The following TRIM37 variants were observed in gnomAD, a reference collection of about 807,000 sequenced individuals.
TRIM37 encodes the protein tripartite motif containing 37.
Under a neutral mutation model 129.8 loss-of-function variants are expected in TRIM37, and 80 were observed. That is an observed-to-expected ratio of 0.62 (90% CI 0.51 to 0.74). The LOEUF is 0.74. Ranked by LOEUF, TRIM37 falls within the 30% of genes least tolerant of loss-of-function variation. The probability of loss-of-function intolerance (pLI) is 0.00; values close to 1 mark genes in which losing one functional copy is unlikely to be tolerated. For synonymous variants in TRIM37, 389 were observed against 387.1 expected (o/e 1.00, Z -0.06); for missense variants, 1,054 against 1,176.5 (o/e 0.90, Z 1.52).
intron 16 of TRIM37, 68 bp downstream of exon 16, chr17:59,047,614 GT>G: frequency 6.8e-7 from 1 of 1,480,778 alleles, no homozygotes; most frequent in South Asian, 1.2e-5. Flanking sequence ...ACATTTAAGT[GT>G]GAGTTAGTTA....
rs1371563147 is a variant in TRIM37 at position 59,081,964 on chromosome 17, A to AAATAAT, written c.370-751_370-746dup. ...AAAAAAAAAAAAAATAAAAAAAAAA[A>AAATAAT]AATAATAATAATAATAATAATAATG... On this transcript the variant is annotated intron_variant, in intron 5 of 23. Coordinates refer to ENST00000262294, the MANE Select transcript of TRIM37 (RefSeq NM_015294.6). Among the ~76,000 whole-genome samples the AAATAAT allele has an allele frequency of 2.5e-3, 213 of 86,636 alleles. 4 individuals carry two copies. The highest frequency in any genetic ancestry group is 0.018 in the Middle Eastern group (3 of 164). The allele number at this position is 86,636 out of a possible 152,430, so 56.8% of individuals were successfully genotyped here.
rs573786111 is a variant in TRIM37, at chr17:59,086,259, A to G, written c.281+2032T>C. Among the ~76,000 whole-genome samples, 7 of 144,876 alleles carry G rather than the reference A, an allele frequency of 4.8e-5. No homozygotes were observed. The South Asian group carries it at 1.5e-3, about 31-fold the overall frequency. On this transcript the variant is annotated intron_variant, in intron 4 of 23. Coordinates refer to ENST00000262294, the MANE Select transcript of TRIM37 (RefSeq NM_015294.6). The stretch of plus-strand genomic sequence containing the variant: ...TGCAATTTTTTTTTTTTTTTTTGAG[A>G]CGGAGTCTAGCTCTGTCATCCAGGC...
At chr17:59,011,549 A>G (rs2035256973) in intron 22 of TRIM37, among the ~76,000 whole-genome samples, 1 of 152,222 alleles carries the variant, frequency 6.6e-6, no homozygotes, top group South Asian at 2.1e-4. Context: ...TACAAGGCCA[A>G]ATATCATTAA....
In TRIM37 at chr17:59,001,723, A is replaced by C. The variant is rs2033802105; in HGVS notation, c.2696-9T>G. The C allele has an allele frequency of 6.2e-7, 1 of 1,613,780 alleles. No homozygotes were observed. Among genetic ancestry groups the C allele is most frequent in the African/African-American group, 1.3e-5 (1 of 74,926 alleles). On this transcript the variant is annotated splice_polypyrimidine_tract_variant and intron_variant, in intron 22 of 23. Transcript: ENST00000262294. ...ACTGTCGCTACTCATTCCTGGCAGG[A>C]AGGAAGGAGAACATGTTTCTGAAAA...
intron 22 of TRIM37, among the ~76,000 whole-genome samples, chr17:59,003,037 G>A (rs2033982878): frequency 6.6e-6 from 1 of 152,112 alleles, no homozygotes; most frequent in Non-Finnish European, 1.5e-5. Flanking sequence ...ATCACACCTG[G>A]CTAATTTTTG....
chr17:59,084,288 T>G (rs1297250079), intron 4 of TRIM37, among the ~76,000 whole-genome samples, 199 bp from the exon 5 acceptor site: 3 of 152,222 alleles, frequency 2.0e-5, no homozygotes, highest in African/African-American at 7.2e-5. Context: ...CTGTTTTCAT[T>G]GATCTGGACT....
intron 19 of TRIM37, among the ~76,000 whole-genome samples, chr17:59,027,725 C>T (rs1256030950): frequency 1.3e-5 from 2 of 152,184 alleles, no homozygotes; most frequent in East Asian, 3.8e-4. Context: ...TCTCTAGAGG[C>T]TTCCTCCTTA....
At chr17:59,020,230 C>CAAAAAAAA (rs58159558) in intron 19 of TRIM37, among the ~76,000 whole-genome samples, 1 of 32,058 alleles carries the variant, frequency 3.1e-5, no homozygotes, top group Non-Finnish European at 5.1e-5. Context: ...GACTCTGTCT[C>CAAAAAAAA]AAAAAAAAAA....
At chr17:59,024,733 T>C (rs980464535) in intron 19 of TRIM37, among the ~76,000 whole-genome samples, 2 of 152,214 alleles carry the variant, frequency 1.3e-5, no homozygotes, top group East Asian at 1.9e-4. Flanking sequence ...GGTCTTGCCA[T>C]ATGATGTTGA....
At chr17:59,029,251 C>T (rs1244551150) in intron 18 of TRIM37, among the ~76,000 whole-genome samples, 2 of 152,260 alleles carry the variant, frequency 1.3e-5, no homozygotes, top group South Asian at 4.1e-4. Context: ...AGCATAGTGA[C>T]ACCCTATCTG....
At chr17:59,011,735 C>A (rs972898245) in intron 22 of TRIM37, among the ~76,000 whole-genome samples, 1 of 152,152 alleles carries the variant, frequency 6.6e-6, no homozygotes, top group Admixed American at 6.5e-5. Context: ...CAGCTGAGAA[C>A]AAGCTGAAGT....
chr17:59,076,373 T>G (rs753589276), intron 7 of TRIM37, among the ~76,000 whole-genome samples: 1 of 152,170 alleles, frequency 6.6e-6, no homozygotes, highest in Non-Finnish European at 1.5e-5. Context: ...AGACCCAGTC[T>G]CTACAAAAAA....
Position 59,056,861 on chromosome 17 carries a change from A to T in TRIM37, c.1199+14T>A, listed in dbSNP as rs1341134166. ...CCCACAATAAAAACCACAACATCAAATTTTTCCTGTTACCTTAAAATCACT... is the reference window on the plus strand; with the variant it reads ...CCCACAATAAAAACCACAACATCAATTTTTTCCTGTTACCTTAAAATCACT... On this transcript the variant is annotated intron_variant, in intron 13 of 23. Transcript: ENST00000262294. 11 of 1,612,774 alleles carry T rather than the reference A, an allele frequency of 6.8e-6. No homozygotes were observed. The East Asian group carries it at 2.0e-4, about 29-fold the overall frequency.
At chr17:59,051,670 C>T (rs2040356939) in intron 13 of TRIM37, among the ~76,000 whole-genome samples, 1 of 152,042 alleles carries the variant, frequency 6.6e-6, no homozygotes, top group Non-Finnish European at 1.5e-5. Flanking sequence ...GCAGTTTCCT[C>T]CTATAAGGAG....
chr17:59,039,152 T>C (rs1454363773), intron 17 of TRIM37, among the ~76,000 whole-genome samples: 1 of 152,196 alleles, frequency 6.6e-6, no homozygotes, highest in Admixed American at 6.5e-5. Flanking sequence ...GCATGTAACA[T>C]GCATGTTTGT....
chr17:59,067,258 G>A (rs1329503619), intron 9 of TRIM37, among the ~76,000 whole-genome samples: 1 of 152,164 alleles, frequency 6.6e-6, no homozygotes, highest in Non-Finnish European at 1.5e-5. Flanking sequence ...GTCTGCAGAT[G>A]AGGCACTGCT....
At chr17:59,079,278 A>G (rs887909741) in intron 7 of TRIM37, among the ~76,000 whole-genome samples, 1 of 152,230 alleles carries the variant, frequency 6.6e-6, no homozygotes, top group Non-Finnish European at 1.5e-5. Context: ...GGAATCTTCG[A>G]AAAGCAAAAA....
At chr17:59,075,089 T>C (rs140918138) in intron 8 of TRIM37, among the ~76,000 whole-genome samples, 9 of 152,320 alleles carry the variant, frequency 5.9e-5, no homozygotes, top group African/African-American at 2.2e-4. Flanking sequence ...CAGATTTCTA[T>C]GGAAATAGTT....
chr17:58,979,752 T>C (rs16943331), downstream of TRIM37, among the ~76,000 whole-genome samples: 6,163 of 152,286 alleles, frequency 0.04, 255 homozygotes, highest in African/African-American at 0.1. Context: ...TAAGGACTTA[T>C]GCCCAGTAAC....
Sources: gnomAD v4.1 joint callset for allele counts (sites outside exome capture counted in the v4.1 genomes callset) on GRCh38, gnomAD v4.1.1 for gene constraint, MANE v1.5 for transcripts, NCBI Gene and HGNC (gene_info 2026-07-23, HGNC 2026-07-21) for gene names.